The following NCOA4 variants were observed in gnomAD, a reference collection of about 807,000 sequenced individuals.
The protein encoded by NCOA4 is 70 kDa AR-activator.
Under a neutral mutation model 69.5 loss-of-function variants are expected in NCOA4, and 31 were observed. The ratio of observed to expected loss-of-function variants is 0.45; its 90% CI spans 0.34 to 0.60. NCOA4 has a LOEUF of 0.60. NCOA4 is among the 20% of genes least tolerant of loss of function. The probability of loss-of-function intolerance (pLI) is 0.02; values close to 1 mark genes in which losing one functional copy is unlikely to be tolerated. For missense variants in NCOA4, 600 were observed against 719.2 expected (o/e 0.83, Z 1.90); for synonymous variants, 228 against 252.4 (o/e 0.90, Z 0.92).
At position 46,017,536 on chromosome 10, in the gene NCOA4, C is replaced by CT. The variant is rs578126733; in HGVS notation, c.-14-843dup. Among the ~76,000 whole-genome samples the CT allele has an allele frequency of 4.3e-3, 660 of 152,188 alleles. 5 individuals carry two copies. Among genetic ancestry groups the CT allele is most frequent in the African/African-American group, 0.015 (635 of 41,500 alleles). ...CCACCCTGGGTAAGAGGGTGAAACTCTGTCTCAAAACAACAACAAAAAAGA... is the reference window on the plus strand; with the variant it reads ...CCACCCTGGGTAAGAGGGTGAAACTCTTGTCTCAAAACAACAACAAAAAAGA... On this transcript the variant is annotated intron_variant, in intron 1 of 9. Transcript: ENST00000581486.
intron 9 of NCOA4, among the ~76,000 whole-genome samples, chr10:46,007,064 TTTG>T (rs782348287): frequency 6.6e-6 from 1 of 152,226 alleles, no homozygotes; most frequent in South Asian, 2.1e-4. Context: ...AGCAAAGTTT[TTTG>T]TTGTTTTTCA....
In NCOA4 at chr10:46,010,346, G is replaced by A. The variant is rs1325380463; in HGVS notation, c.1575C>T (p.Ser525=). 1.2e-6 allele frequency: 2 copies of A among 1,614,012 alleles called. No individual in the cohort carries two copies. The highest frequency in any genetic ancestry group is 1.3e-5 in the African/African-American group (1 of 74,894). ...EDRAGKQKFK[S]PMNTSWCSFN... ...AGGAACACCAGGAAGTATTCATGGG[G>A]CTTTTAAACTTCTGTTTGCCAGCTC... Residue 525 remains serine (S), a synonymous_variant, in exon 8 of 10, where the codon AGC becomes AGT. Transcript: ENST00000581486.
chr10:46,030,028 C>A (rs1299705131), intron 1 of NCOA4, among the ~76,000 whole-genome samples: 1 of 152,230 alleles, frequency 6.6e-6, no homozygotes, highest in East Asian at 1.9e-4. Context: ...AACCCAATAT[C>A]TTCTTTGCAT....
chr10:46,025,392 C>T (rs1229519365), intron 1 of NCOA4, among the ~76,000 whole-genome samples: 2 of 152,184 alleles, frequency 1.3e-5, no homozygotes, highest in African/African-American at 4.8e-5. Context: ...CCCCAATATC[C>T]TCTGGAAACA....
At chr10:46,015,702 G>A (rs906696447) in intron 2 of NCOA4, among the ~76,000 whole-genome samples, 1 of 152,168 alleles carries the variant, frequency 6.6e-6, no homozygotes, top group Non-Finnish European at 1.5e-5. Context: ...AAGTTTATCA[G>A]CAGAATAAAG....
chr10:46,029,048 A>AAAGG, intron 1 of NCOA4, among the ~76,000 whole-genome samples: 1 of 140,028 alleles, frequency 7.1e-6, no homozygotes, highest in African/African-American at 2.7e-5. Flanking sequence ...AAAAAAAAAA[A>AAAGG]GGGGGGGGTG....
intron 9 of NCOA4, chr10:46,009,118 AC>A (rs1322981274): frequency 1.3e-6 from 2 of 1,531,010 alleles, no homozygotes; most frequent in Admixed American, 2.0e-5. Context: ...CTGGAACCAA[AC>A]CCACCTTCGA....
At chr10:46,027,213 A>ATGAGC (rs1731940255) in intron 1 of NCOA4, among the ~76,000 whole-genome samples, 1 of 147,544 alleles carries the variant, frequency 6.8e-6, no homozygotes, top group South Asian at 2.2e-4. Flanking sequence ...GGAGCTTGCA[A>ATGAGC]TGAGCGGAGA....
chr10:46,023,995 T>A (rs1840035918), intron 1 of NCOA4, among the ~76,000 whole-genome samples: 1 of 152,176 alleles, frequency 6.6e-6, no homozygotes, highest in African/African-American at 2.4e-5. Flanking sequence ...TTGTTAATAT[T>A]AAGAGTAAAG....
chr10:46,013,541 A>G lies in NCOA4; in HGVS notation c.570+9T>C, dbSNP rs782179015. Reference sequence around the variant, plus strand: ...TGACTCAATTACCAAAAACAAAATGATATTTTACCTGCTCTGGCATGGAGA... The same window carrying G: ...TGACTCAATTACCAAAAACAAAATGGTATTTTACCTGCTCTGGCATGGAGA... On this transcript the variant is annotated intron_variant, in intron 6 of 9. Coordinates refer to ENST00000581486, the MANE Select transcript of NCOA4 (RefSeq NM_001145263.2). 5.6e-6 allele frequency: 9 copies of G among 1,593,328 alleles called. No individual in the cohort carries two copies. The highest frequency in any genetic ancestry group is 6.9e-6 in the Non-Finnish European group (8 of 1,163,776).
chr10:46,008,861 G>T (rs1171013942), intron 9 of NCOA4, among the ~76,000 whole-genome samples: 1 of 152,196 alleles, frequency 6.6e-6, no homozygotes, highest in Non-Finnish European at 1.5e-5. Flanking sequence ...TAATCAGTCA[G>T]CAGTAATCAA....
rs193191627 is a variant in NCOA4 at position 46,011,012 on chromosome 10, A to G, written c.909T>C (p.Asp303=). The G allele has an allele frequency of 1.9e-5, 30 of 1,613,948 alleles. No individual in the cohort carries two copies. The Admixed American group carries it at 3.3e-4, about 18-fold the overall frequency. The part of the protein sequence containing the change: ...LPDQDEMDLS[D]WLVTPQESHK... Reference sequence around the variant, plus strand: ...GGGATTCCTGGGGAGTCACTAGCCAATCTGATAGGTCCATCTCATCTTGAT... The same window carrying G: ...GGGATTCCTGGGGAGTCACTAGCCAGTCTGATAGGTCCATCTCATCTTGAT... The change falls in exon 8 of 10, where the codon GAT becomes GAC. Residue 303 remains aspartate, a synonymous_variant. Transcript: ENST00000581486.
At position 46,029,907 on chromosome 10, in the gene NCOA4, G is replaced by A. The variant is rs141125047; in HGVS notation, c.-15+619C>T. On this transcript the variant is annotated intron_variant, in intron 1 of 9. Transcript: ENST00000581486. Reference sequence around the variant, plus strand: ...TTGCTGGTGGAATGAACCAATGAATGAGCAAGCCTTACTCTTCTCAGCTGT... The same window carrying A: ...TTGCTGGTGGAATGAACCAATGAATAAGCAAGCCTTACTCTTCTCAGCTGT... 2.0e-3 allele frequency among the ~76,000 whole-genome samples: 299 copies of A among 152,298 alleles called. 2 individuals carry two copies. The highest frequency in any genetic ancestry group is 6.9e-3 in the African/African-American group (288 of 41,558).
intron 1 of NCOA4, among the ~76,000 whole-genome samples, chr10:46,028,720 A>T (rs1440664523): frequency 6.6e-6 from 1 of 152,114 alleles, no homozygotes; most frequent in Non-Finnish European, 1.5e-5. Flanking sequence ...CTATTTATTG[A>T]GTACCTAAAC....
At chr10:46,023,502 G>A (rs190192819) in intron 1 of NCOA4, 2 of 985,442 alleles carry the variant, frequency 2.0e-6, no homozygotes, top group Non-Finnish European at 2.4e-6. Context: ...CAAGGGCGGG[G>A]AGGAGCGGAA....
Position 46,006,495 on chromosome 10 carries a change from G to T in NCOA4, c.*97C>A. ...GGCAGGAGAAGAACTAAGCTAATTG[G>T]TCAGACCCAGAAACACAAAGATTTG... On this transcript the variant is annotated 3_prime_UTR_variant, in exon 10 of 10. Transcript: ENST00000581486. 1.4e-6 allele frequency: 2 copies of T among 1,406,940 alleles called. No individual in the cohort carries two copies. Among genetic ancestry groups the T allele is most frequent in the South Asian group, 1.2e-5 (1 of 86,822 alleles). The allele number at this position is 1,406,940 out of a possible 1,614,324, so 87.2% of individuals were successfully genotyped here.
chr10:46,012,597 A>G (rs1839300968), intron 7 of NCOA4, among the ~76,000 whole-genome samples: 1 of 152,178 alleles, frequency 6.6e-6, no homozygotes, highest in African/African-American at 2.4e-5. Context: ...ATGTATGTAT[A>G]GAAAACTGAA....
intron 1 of NCOA4, among the ~76,000 whole-genome samples, chr10:46,027,087 G>A (rs1417617149): frequency 6.6e-6 from 1 of 152,044 alleles, no homozygotes; most frequent in African/African-American, 2.4e-5. Flanking sequence ...TGGCTAACAC[G>A]GTGAAACCCC....
chr10:46,018,968 A>G (rs1270662132), intron 1 of NCOA4, among the ~76,000 whole-genome samples: 5 of 152,176 alleles, frequency 3.3e-5, no homozygotes, highest in Non-Finnish European at 1.5e-5. Flanking sequence ...TCCCTCAGAA[A>G]TAATGTATTC....
Sources: gnomAD v4.1 joint callset for allele counts (sites outside exome capture counted in the v4.1 genomes callset) on GRCh38, gnomAD v4.1.1 for gene constraint, MANE v1.5 for transcripts, NCBI Gene and HGNC (gene_info 2026-07-23, HGNC 2026-07-21) for gene names.